NEBL: variants seen among roughly 807,000 people sequenced by gnomAD.
NEBL encodes the protein nebulette.
In NEBL, 122 loss-of-function variants were observed where a neutral mutation model predicts 140.2. The observed-to-expected ratio is 0.87, with a 90% confidence interval of 0.75 to 1.01. The LOEUF is 1.01. Ranked by LOEUF, NEBL falls within the 50% of genes least tolerant of loss-of-function variation. The pLI is 0.00. For missense variants in NEBL, 1,365 were observed against 1,231.3 expected (o/e 1.11, Z -1.62); for synonymous variants, 436 against 398.9 (o/e 1.09, Z -1.11).
intron 2 of NEBL, among the ~76,000 whole-genome samples, chr10:21,047,947 A>G (rs192915211): frequency 2.0e-5 from 3 of 152,358 alleles, no homozygotes; most frequent in Admixed American, 2.0e-4. Context: ...TTATTGCCAT[A>G]TAGCTTAGAA....
At chr10:21,074,387 T>C (rs150335748) in intron 2 of NEBL, among the ~76,000 whole-genome samples, 23 of 152,290 alleles carry the variant, frequency 1.5e-4, no homozygotes, top group African/African-American at 5.3e-4. Context: ...ACTAATATCA[T>C]CCACTTCACA....
intron 6 of NEBL, among the ~76,000 whole-genome samples, chr10:20,869,295 GGTAAGAAACA>G (rs1342835504): frequency 1.3e-5 from 2 of 152,136 alleles, no homozygotes; most frequent in African/African-American, 4.8e-5. Context: ...CCTTAGAGAA[GGTAAGAAACA>G]GTTACGCCAT....
chr10:20,847,154 C>T (rs1373421388), intron 11 of NEBL, among the ~76,000 whole-genome samples: 1 of 152,132 alleles, frequency 6.6e-6, no homozygotes, highest in Non-Finnish European at 1.5e-5. Context: ...ATACCTACTT[C>T]ATCAGTCCTA....
intron 2 of NEBL, among the ~76,000 whole-genome samples, chr10:21,146,188 C>A (rs1318063283): frequency 6.6e-6 from 1 of 152,202 alleles, no homozygotes; most frequent in Non-Finnish European, 1.5e-5. Flanking sequence ...TAATCTAGGT[C>A]AGTGATAACT....
intron 2 of NEBL, among the ~76,000 whole-genome samples, chr10:21,066,894 T>C (rs989283999): frequency 5.9e-5 from 9 of 152,080 alleles, no homozygotes; most frequent in Non-Finnish European, 1.3e-4. Flanking sequence ...TTTAGCATCA[T>C]GTTCAGTTGC....
chr10:21,203,734 T>G (rs1329009168), intron 3 of NEBL, among the ~76,000 whole-genome samples: 4 of 152,174 alleles, frequency 2.6e-5, no homozygotes, highest in Admixed American at 6.5e-5. Context: ...GGACATTTAT[T>G]GTTCTTTTGG....
intron 3 of NEBL, among the ~76,000 whole-genome samples, chr10:21,007,895 A>G (rs1247356159): frequency 6.6e-6 from 1 of 152,194 alleles, no homozygotes; most frequent in Non-Finnish European, 1.5e-5. Flanking sequence ...CACATTCGCT[A>G]TTTCTTAAAA....
At chr10:20,967,540 A>G (rs573085371) in intron 3 of NEBL, among the ~76,000 whole-genome samples, 1 of 152,232 alleles carries the variant, frequency 6.6e-6, no homozygotes, top group East Asian at 1.9e-4. Flanking sequence ...AGGCAGGAGA[A>G]TCACTTGAAC....
chr10:21,119,248 T>C lies in NEBL; in HGVS notation c.164+53135A>G, dbSNP rs1187072992. Among the ~76,000 whole-genome samples the C allele has an allele frequency of 5.9e-5, 9 of 152,228 alleles. No individual in the cohort carries two copies. The East Asian group carries it at 1.7e-3, about 29-fold the overall frequency. ...CCACTACCTCATCTCTAACACAAAG[T>C]TCTTTCTTCCTAACTTTTTATTTTG... On this transcript the variant is annotated intron_variant, in intron 2 of 6. Coordinates refer to the NEBL transcript ENST00000417816.
At chr10:21,020,242 T>G in intron 2 of NEBL, 1 of 1,552,866 alleles carries the variant, frequency 6.4e-7, no homozygotes, top group Non-Finnish European at 8.9e-7. Flanking sequence ...TAAAATATTG[T>G]GCTACAAAAC....
chr10:20,816,692 A>G (rs1838749794), intron 21 of NEBL, among the ~76,000 whole-genome samples: 1 of 152,224 alleles, frequency 6.6e-6, no homozygotes, highest in African/African-American at 2.4e-5. Context: ...CCCAATCTAT[A>G]TGTTAATGAC....
chr10:21,033,016 C>A lies in NEBL; in HGVS notation c.165-12815G>T, dbSNP rs554511476. ...GTAAAAGGTGAGAAATTAATACACA[C>A]ACACACACACCTACATATTGTTTAA... On this transcript the variant is annotated intron_variant, in intron 2 of 6. Transcript: ENST00000417816. Among the ~76,000 whole-genome samples the A allele has an allele frequency of 2.0e-5, 3 of 152,306 alleles. No individual in the cohort carries two copies. The South Asian group carries it at 6.2e-4, about 32-fold the overall frequency.
chr10:20,996,848 T>G (rs1299613073), intron 3 of NEBL, among the ~76,000 whole-genome samples: 3 of 152,214 alleles, frequency 2.0e-5, no homozygotes, highest in African/African-American at 7.2e-5. Context: ...CTAACTGTTT[T>G]TGTGCAAATA....
chr10:20,967,224 G>A lies in NEBL; in HGVS notation c.250-5445C>T, dbSNP rs544294555. Among the ~76,000 whole-genome samples the A allele has an allele frequency of 2.0e-5, 3 of 152,212 alleles. No homozygotes were observed. In the East Asian group the frequency reaches 5.8e-4, roughly 29 times the overall value. ...AAACAACCTAAATATCCATCCACAT[G>A]AGAATGAATAAATCCAATGTAATAT... On this transcript the variant is annotated intron_variant, in intron 3 of 6. Coordinates refer to the NEBL transcript ENST00000417816.
intron 1 of NEBL, among the ~76,000 whole-genome samples, chr10:21,264,967 G>T: frequency 6.6e-6 from 1 of 151,840 alleles, no homozygotes; most frequent in South Asian, 2.1e-4. Flanking sequence ...TTGAGACAGA[G>T]TCTAGAGTGC....
chr10:21,272,085 G>A (rs1424720436), intron 1 of NEBL, among the ~76,000 whole-genome samples: 1 of 147,846 alleles, frequency 6.8e-6, no homozygotes, highest in African/African-American at 2.5e-5. Context: ...CTGAGTAGCT[G>A]GGTCTACAGG....
chr10:21,091,361 A>G (rs1275915914), intron 2 of NEBL, among the ~76,000 whole-genome samples: 1 of 152,202 alleles, frequency 6.6e-6, no homozygotes, highest in Non-Finnish European at 1.5e-5. Context: ...TGTCTGGGCC[A>G]TTTCAATACA....
At chr10:21,014,255 C>CT (rs998238291) in intron 3 of NEBL, among the ~76,000 whole-genome samples, 1 of 152,048 alleles carries the variant, frequency 6.6e-6, no homozygotes, top group Non-Finnish European at 1.5e-5. Flanking sequence ...TTCCAAAACA[C>CT]TGGGATTACA....
chr10:20,898,756 T>A (rs1301807175), upstream of NEBL, among the ~76,000 whole-genome samples: 1 of 152,186 alleles, frequency 6.6e-6, no homozygotes, highest in African/African-American at 2.4e-5. Context: ...GTTTATCTCA[T>A]CAAATCTAAT....
Sources: gnomAD v4.1 joint callset for allele counts (sites outside exome capture counted in the v4.1 genomes callset) on GRCh38, gnomAD v4.1.1 for gene constraint, MANE v1.5 for transcripts, NCBI Gene and HGNC (gene_info 2026-07-23, HGNC 2026-07-21) for gene names.